TYW1B: variants seen among roughly 807,000 people sequenced by gnomAD.
TYW1B encodes S-adenosyl-L-methionine-dependent tRNA 4-demethylwyosine synthase TYW1B.
Under a neutral mutation model 86.9 loss-of-function variants are expected in TYW1B, and 73 were observed. The ratio of observed to expected loss-of-function variants is 0.84; its 90% confidence interval spans 0.70 to 1.02. The LOEUF is 1.02. Among genes scored for constraint, TYW1B ranks in the 50% least tolerant of loss-of-function variants. The pLI is 0.00. For synonymous variants in TYW1B, 248 were observed against 292.8 expected (o/e 0.85, Z 1.56); for missense variants, 637 against 827.4 (o/e 0.77, Z 2.82).
At chr7:72,784,344 C>T (rs1554472101) in intron 6 of TYW1B, among the ~76,000 whole-genome samples, 4 of 152,244 alleles carry the variant, frequency 2.6e-5, no homozygotes, top group African/African-American at 7.2e-5. Context: ...AGGCTGTCAA[C>T]TTACCAGCCA....
intron 2 of TYW1B, among the ~76,000 whole-genome samples, chr7:72,826,512 G>A (rs1788931731): frequency 6.6e-6 from 1 of 152,042 alleles, no homozygotes; most frequent in South Asian, 2.1e-4. Context: ...TATTTTAGTA[G>A]AATAATAGTA....
chr7:72,736,082 G>A (rs782616021), intron 8 of TYW1B, among the ~76,000 whole-genome samples: 2 of 152,092 alleles, frequency 1.3e-5, no homozygotes, highest in African/African-American at 2.4e-5. Context: ...TCTGCCACGA[G>A]AATACACTGA....
At chr7:72,795,588 G>T (rs1788292090) in intron 6 of TYW1B, among the ~76,000 whole-genome samples, 1 of 151,584 alleles carries the variant, frequency 6.6e-6, no homozygotes, top group South Asian at 2.1e-4. Flanking sequence ...TAGTAGAAAT[G>T]ATGATGCTAA....
At chr7:72,584,884 G>A (rs1265781953) in intron 13 of TYW1B, among the ~76,000 whole-genome samples, 4 of 152,142 alleles carry the variant, frequency 2.6e-5, no homozygotes, top group African/African-American at 7.2e-5. Context: ...TTAGGCAAAC[G>A]AGGGGAGCCG....
chr7:72,819,363 G>A lies in TYW1B; in HGVS notation c.136-3882C>T, dbSNP rs142566093. Among the ~76,000 whole-genome samples the A allele has an allele frequency of 3.7e-4, 57 of 152,290 alleles. 1 individual carries two copies. The highest frequency in any genetic ancestry group is 1.1e-3 in the African/African-American group (44 of 41,568). On this transcript the variant is annotated intron_variant, in intron 2 of 13. Coordinates refer to ENST00000620995, the MANE Select transcript of TYW1B (RefSeq NM_001145440.3). ...AGTATACTGGAGTCAGAAGAGGGCC[G>A]AGTGGTACTGAATCAGAAAGACTGT...
chr7:72,717,301 G>GA (rs78038647), intron 9 of TYW1B, among the ~76,000 whole-genome samples: 2,032 of 129,262 alleles, frequency 0.016, 46 homozygotes, highest in African/African-American at 0.047. Context: ...ACCCTGTCTG[G>GA]AAAAAAAAAA....
intron 11 of TYW1B, among the ~76,000 whole-genome samples, chr7:72,641,210 G>C (rs1585869428): frequency 6.6e-6 from 1 of 152,086 alleles, no homozygotes; most frequent in Non-Finnish European, 1.5e-5. Context: ...AATGACTCAA[G>C]GAGAAATGGA....
At chr7:72,596,213 C>CACTACCCA (rs1364824331) in intron 13 of TYW1B, among the ~76,000 whole-genome samples, 2 of 138,006 alleles carry the variant, frequency 1.4e-5, no homozygotes, top group Non-Finnish European at 3.1e-5. Flanking sequence ...AAGACATCAA[C>CACTACCCA]ACTACCCAAA....
intron 13 of TYW1B, among the ~76,000 whole-genome samples, chr7:72,585,763 C>A (rs1554430398): frequency 6.6e-6 from 1 of 152,184 alleles, no homozygotes; most frequent in Admixed American, 6.6e-5. Flanking sequence ...GCCACCCCAG[C>A]CACGTGAACT....
chr7:72,685,043 C>T (rs1375190127), intron 11 of TYW1B, among the ~76,000 whole-genome samples: 2 of 149,394 alleles, frequency 1.3e-5, no homozygotes, highest in Non-Finnish European at 3.0e-5. Context: ...ACCTGGGAGG[C>T]GGAGGTTGCA....
rs561359002 is a variant in TYW1B, at chr7:72,764,346, G to A, written c.964+13070C>T. 3.9e-5 allele frequency among the ~76,000 whole-genome samples: 6 copies of A among 152,218 alleles called. No homozygotes were observed. In the East Asian group the frequency reaches 5.8e-4, roughly 15 times the overall value. ...CGCCCAGACTGGAGTGCAGTGGGGC[G>A]ATCTCGGCTCACTGCAACCTCCGCC... On this transcript the variant is annotated intron_variant, in intron 7 of 13. Transcript: ENST00000620995.
At chr7:72,722,595 T>C (rs1786924572) in intron 9 of TYW1B, among the ~76,000 whole-genome samples, 1 of 152,192 alleles carries the variant, frequency 6.6e-6, no homozygotes, top group Non-Finnish European at 1.5e-5. Flanking sequence ...GATATTTTTA[T>C]AACTCAGTGA....
At chr7:72,615,092 G>A (rs1285208330) in intron 13 of TYW1B, among the ~76,000 whole-genome samples, 1 of 152,204 alleles carries the variant, frequency 6.6e-6, no homozygotes, top group Non-Finnish European at 1.5e-5. Context: ...TCATGTCTGA[G>A]CACTGTGTCC....
intron 9 of TYW1B, among the ~76,000 whole-genome samples, chr7:72,717,184 C>T (rs1451743818): frequency 1.3e-5 from 2 of 151,798 alleles, no homozygotes; most frequent in Non-Finnish European, 2.9e-5. Context: ...GCTCGTAGGC[C>T]CAGCTACTCA....
At chr7:72,762,066 T>A (rs1787694220) in intron 7 of TYW1B, among the ~76,000 whole-genome samples, 2 of 152,184 alleles carry the variant, frequency 1.3e-5, no homozygotes, top group South Asian at 4.1e-4. Context: ...TAAAATTTGG[T>A]TACCTATATT....
intron 11 of TYW1B, among the ~76,000 whole-genome samples, chr7:72,646,435 G>A (rs765221859): frequency 2.6e-5 from 4 of 151,866 alleles, no homozygotes; most frequent in Non-Finnish European, 5.9e-5. Context: ...GCAGTGGCAC[G>A]ATCTTGGCTC....
At chr7:72,797,029 A>T (rs546233222) in intron 6 of TYW1B, among the ~76,000 whole-genome samples, 61 of 151,290 alleles carry the variant, frequency 4.0e-4, no homozygotes, top group African/African-American at 1.4e-3. Context: ...CTGGTCTCGA[A>T]CTCCTGACTT....
At chr7:72,640,747 T>C (rs1277500101) in intron 11 of TYW1B, among the ~76,000 whole-genome samples, 1 of 150,302 alleles carries the variant, frequency 6.7e-6, no homozygotes, top group Non-Finnish European at 1.5e-5. Context: ...TTTGTACACA[T>C]CTCTCTCAGT....
At chr7:72,717,404 A>G (rs13308910) in intron 9 of TYW1B, among the ~76,000 whole-genome samples, 33 of 152,154 alleles carry the variant, frequency 2.2e-4, no homozygotes, top group Admixed American at 8.5e-4. Flanking sequence ...CCAAAACAAC[A>G]GGCCTTGATC....
Sources: gnomAD v4.1 joint callset for allele counts (sites outside exome capture counted in the v4.1 genomes callset) on GRCh38, gnomAD v4.1.1 for gene constraint, MANE v1.5 for transcripts, NCBI Gene and HGNC (gene_info 2026-07-23, HGNC 2026-07-21) for gene names.